Variants in PDK3 observed in about 807,000 individuals in gnomAD.
The protein encoded by PDK3 is pyruvate dehydrogenase kinase, isozyme 3.
Under a neutral mutation model 32.0 loss-of-function variants are expected in PDK3, and 12 were observed. That is an observed-to-expected ratio of 0.37 (90% CI 0.24 to 0.61). The LOEUF is 0.61. Among genes scored for constraint, PDK3 ranks in the 20% least tolerant of loss-of-function variants. The pLI is 0.65. For synonymous variants in PDK3, 122 were observed against 116.3 expected (o/e 1.05, Z -0.31); for missense variants, 188 against 316.9 (o/e 0.59, Z 3.09).
intron 5 of PDK3, among the ~76,000 whole-genome samples, chrX:24,517,602 C>T (rs1024876093): frequency 4.4e-5 from 5 of 112,585 alleles, no homozygotes; most frequent in Admixed American, 9.4e-5. Flanking sequence ...AAGACACAAA[C>T]GCTGACTTCA....
exon 12 of PDK3, chrX:24,547,928 T>C (rs762495743): frequency 8.9e-6 from 1 of 112,721 alleles, no homozygotes; most frequent in South Asian, 3.6e-4. Context: ...AACATAAGAG[T>C]TTAGACTATA....
chrX:24,474,539 G>A (rs1247137377), intron 1 of PDK3, among the ~76,000 whole-genome samples: 1 of 109,598 alleles, frequency 9.1e-6, no homozygotes, highest in South Asian at 3.9e-4. Context: ...TCAGCCTCCC[G>A]AGTACCTGGG....
At chrX:24,502,597 A>G (rs190586416) in intron 3 of PDK3, among the ~76,000 whole-genome samples, 1 of 111,874 alleles carries the variant, frequency 8.9e-6, no homozygotes, top group Non-Finnish European at 1.9e-5. Flanking sequence ...ACTGTATGAG[A>G]CACTTTAGGA....
At chrX:24,515,622 C>T (rs1269653748) in intron 5 of PDK3, among the ~76,000 whole-genome samples, 4 of 111,754 alleles carry the variant, frequency 3.6e-5, no homozygotes, top group South Asian at 3.7e-4. Flanking sequence ...AGTTTGTGTT[C>T]AGCTTTGTGC....
At chrX:24,503,074 AT>A (rs1921901155) in intron 3 of PDK3, among the ~76,000 whole-genome samples, 1 of 111,238 alleles carries the variant, frequency 9.0e-6, no homozygotes, top group Admixed American at 9.6e-5. Context: ...GTATTTGAGC[AT>A]TTTTTTTCTG....
intron 1 of PDK3, among the ~76,000 whole-genome samples, chrX:24,485,489 G>A (rs1465663553): frequency 9.0e-6 from 1 of 111,448 alleles, no homozygotes; most frequent in Non-Finnish European, 1.9e-5. Flanking sequence ...CAGAGCCCGG[G>A]GTGGGGGGAT....
intron 3 of PDK3, among the ~76,000 whole-genome samples, chrX:24,501,436 G>A (rs1490287031): frequency 8.9e-6 from 1 of 112,824 alleles, no homozygotes; most frequent in Non-Finnish European, 1.9e-5. Context: ...TCTGTTGGCC[G>A]GGCATGGTGG....
intron 1 of PDK3, among the ~76,000 whole-genome samples, chrX:24,474,613 C>T (rs1376225702): frequency 1.8e-5 from 2 of 109,369 alleles, no homozygotes; most frequent in Admixed American, 9.8e-5. Flanking sequence ...GGGGTTTCAC[C>T]GTCTTGGCCA....
At position 24,514,843 on chromosome X, in the gene PDK3, C is replaced by T. The variant is rs770815765; in HGVS notation, c.596-4090C>T. On this transcript the variant is annotated intron_variant, in intron 5 of 10. Transcript: ENST00000379162. The stretch of plus-strand genomic sequence containing the variant: ...GCTAAGTTTTAAGAATGTGGACTCT[C>T]AGGCCTCAACATAGAGCTACTGCCT... Among the ~76,000 whole-genome samples, 129 of 111,361 alleles carry T rather than the reference C, an allele frequency of 1.2e-3. 1 individual carries two copies. Among genetic ancestry groups the T allele is most frequent in the Non-Finnish European group, 5.5e-4 (29 of 53,107 alleles).
At chrX:24,544,455 G>A (rs964498577) in exon 12 of PDK3, among the ~76,000 whole-genome samples, 1 of 111,577 alleles carries the variant, frequency 9.0e-6, no homozygotes, top group African/African-American at 3.3e-5. Flanking sequence ...GAACACACAT[G>A]GTTCATCTGA....
At chrX:24,506,842 G>A (rs1256697133) in intron 5 of PDK3, among the ~76,000 whole-genome samples, 5 of 74,909 alleles carry the variant, frequency 6.7e-5, no homozygotes, top group African/African-American at 1.1e-4. Flanking sequence ...ACAGAGTCTC[G>A]CTCTGTCGCC....
chrX:24,485,825 T>C (rs997474816), intron 1 of PDK3, among the ~76,000 whole-genome samples: 1 of 111,211 alleles, frequency 9.0e-6, no homozygotes, highest in African/African-American at 3.3e-5. Flanking sequence ...TCCCAGTCTT[T>C]AGCCTGCTTC....
intron 3 of PDK3, among the ~76,000 whole-genome samples, chrX:24,500,364 T>A (rs886653473): frequency 8.9e-6 from 1 of 111,853 alleles, no homozygotes; most frequent in Non-Finnish European, 1.9e-5. Context: ...GATAAGGGAC[T>A]TGAGCATCTG....
chrX:24,540,720 C>G (rs1468378779), exon 12 of PDK3, among the ~76,000 whole-genome samples: 2 of 109,214 alleles, frequency 1.8e-5, no homozygotes, highest in Non-Finnish European at 3.8e-5. Flanking sequence ...AAAAGAAATA[C>G]TGATGTACTT....
At chrX:24,495,290 G>A (rs1043110682) in intron 2 of PDK3, among the ~76,000 whole-genome samples, 30 of 112,387 alleles carry the variant, frequency 2.7e-4, no homozygotes, top group African/African-American at 8.7e-4. Context: ...AAAAATATCA[G>A]TTCCCTCCTT....
At chrX:24,524,245 A>C (rs1037780749) in intron 6 of PDK3, among the ~76,000 whole-genome samples, 22 of 112,311 alleles carry the variant, frequency 2.0e-4, no homozygotes, top group African/African-American at 6.5e-4. Context: ...GATGATGGCT[A>C]TGCAGCATGT....
chrX:24,525,479 T>C (rs2148200815), intron 6 of PDK3, among the ~76,000 whole-genome samples: 1 of 112,575 alleles, frequency 8.9e-6, no homozygotes, highest in South Asian at 3.7e-4. Flanking sequence ...TACAGCATTC[T>C]ACCTGAGAGA....
At chrX:24,508,643 T>C (rs922780527) in intron 5 of PDK3, among the ~76,000 whole-genome samples, 3 of 111,579 alleles carry the variant, frequency 2.7e-5, no homozygotes, top group Non-Finnish European at 5.6e-5. Context: ...TCGATCGTTT[T>C]ATGGCACTTA....
intron 6 of PDK3, among the ~76,000 whole-genome samples, chrX:24,525,265 C>T (rs1161519360): frequency 5.4e-5 from 6 of 111,819 alleles, no homozygotes; most frequent in South Asian, 7.5e-4. Context: ...TCTGGGACCA[C>T]GGGCAAGTCA....
Sources: gnomAD v4.1 joint callset for allele counts (sites outside exome capture counted in the v4.1 genomes callset) on GRCh38, gnomAD v4.1.1 for gene constraint, MANE v1.5 for transcripts, NCBI Gene and HGNC (gene_info 2026-07-23, HGNC 2026-07-21) for gene names.